AKT2: variants seen among roughly 807,000 people sequenced by gnomAD.
AKT2 encodes RAC-beta serine/threonine-protein kinase.
Under a neutral mutation model 58.6 loss-of-function variants are expected in AKT2, and 16 were observed. The ratio of observed to expected loss-of-function variants is 0.27; its 90% confidence interval spans 0.18 to 0.41. The LOEUF is 0.41. Ranked by LOEUF, AKT2 falls within the 10% of genes least tolerant of loss-of-function variation. The probability of loss-of-function intolerance (pLI) is 1.00; values close to 1 mark genes in which losing one functional copy is unlikely to be tolerated. For synonymous variants in AKT2, 253 were observed against 254.0 expected (o/e 1.00, Z 0.04); for missense variants, 438 against 661.0 (o/e 0.66, Z 3.70).
chr19:40,267,606 C>G (rs2145376835), intron 1 of AKT2, among the ~76,000 whole-genome samples: 1 of 152,318 alleles, frequency 6.6e-6, no homozygotes, highest in Non-Finnish European at 1.5e-5. Context: ...TGCAGTAGAC[C>G]AGCAAAGCGT....
At chr19:40,278,105 T>A (rs931729871) in intron 1 of AKT2, among the ~76,000 whole-genome samples, 1 of 152,184 alleles carries the variant, frequency 6.6e-6, no homozygotes, top group Non-Finnish European at 1.5e-5. Context: ...AGGCCTACTT[T>A]GTGCCAGCTC....
rs562361760 is a variant in AKT2, at chr19:40,238,457, T to C, written c.709-366A>G. ...ATCCCAAAGCAGGTGTGCCAACCAC[T>C]GCACAGAGAAGGCGCGAGGCAAGGA... On this transcript the variant is annotated intron_variant, in intron 8 of 13. Coordinates refer to ENST00000392038, the MANE Select transcript of AKT2 (RefSeq NM_001626.6). This position sits in a 1 kb window ranked among gnomAD's most constrained non-coding sequence, Gnocchi z 5.1. Among the ~76,000 whole-genome samples the C allele has an allele frequency of 6.6e-6, 1 of 152,214 alleles. No homozygotes were observed. The highest frequency in any genetic ancestry group is 1.9e-4 in the East Asian group (1 of 5,158).
At chr19:40,276,318 T>C (rs1467116698) in intron 1 of AKT2, among the ~76,000 whole-genome samples, 1 of 136,886 alleles carries the variant, frequency 7.3e-6, no homozygotes, top group African/African-American at 2.7e-5. Context: ...TCTCTGAACC[T>C]CAGCTTCCGC....
intron 2 of AKT2, 122 bp downstream of exon 2, chr19:40,265,100 G>A (rs1487414549): frequency 2.1e-6 from 3 of 1,428,768 alleles, no homozygotes; most frequent in Non-Finnish European, 1.9e-6. Context: ...CTGTGGGCCT[G>A]GGGCTGCGGA....
chr19:40,266,553 G>A (rs546378701), intron 1 of AKT2, among the ~76,000 whole-genome samples: 20 of 152,310 alleles, frequency 1.3e-4, no homozygotes, highest in Middle Eastern at 3.4e-3. Flanking sequence ...GCAATGATGC[G>A]AGGCTGGGAG....
chr19:40,255,554 GC>G (rs1290282404), intron 3 of AKT2, among the ~76,000 whole-genome samples: 1 of 152,200 alleles, frequency 6.6e-6, no homozygotes, highest in East Asian at 1.9e-4. Flanking sequence ...ATCCAACCCA[GC>G]CTGGGGGGTT....
chr19:40,244,649 T>C lies in AKT2; in HGVS notation c.288-1962A>G, dbSNP rs150626182. On this transcript the variant is annotated intron_variant, in intron 4 of 13. Transcript: ENST00000392038. ...CATATGACCAACAAGAAAAATAAAA[T>C]GTTCACTAAGAATGAGAAAATTCAG... 2.8e-3 allele frequency among the ~76,000 whole-genome samples: 434 copies of C among 152,292 alleles called. 3 individuals carry two copies. The highest frequency in any genetic ancestry group is 9.7e-3 in the African/African-American group (405 of 41,560).
At chr19:40,240,140 T>C (rs1434427779) in intron 6 of AKT2, 30 bp from the exon 7 acceptor site, 1 of 1,612,042 alleles carries the variant, frequency 6.2e-7, no homozygotes, top group Admixed American at 1.7e-5. Flanking sequence ...GAGGGGCTGG[T>C]GGGCAACACC....
Position 40,241,925 on chromosome 19 carries a change from C to A in AKT2, c.573+13G>T, listed in dbSNP as rs1260698998. 1.2e-6 allele frequency: 2 copies of A among 1,613,540 alleles called. No homozygotes were observed. The highest frequency in any genetic ancestry group is 1.7e-6 in the Non-Finnish European group (2 of 1,180,018). ...CCACAGAGGCTCGCGAGCGCAATTC[C>A]CGGGGCACGCACCTTGGCAATGATG... On this transcript the variant is annotated intron_variant, in intron 6 of 13. Coordinates refer to ENST00000392038, the MANE Select transcript of AKT2 (RefSeq NM_001626.6).
chr19:40,250,519 A>C (rs756353092), intron 4 of AKT2, among the ~76,000 whole-genome samples: 2 of 148,138 alleles, frequency 1.4e-5, no homozygotes, highest in Admixed American at 6.7e-5. Flanking sequence ...AAAAGAAAGA[A>C]AGATTTACGT....
chr19:40,265,292 C>T lies in AKT2; in HGVS notation c.-25G>A, dbSNP rs1160314478. 1.9e-6 allele frequency: 3 copies of T among 1,610,822 alleles called. No homozygotes were observed. Among genetic ancestry groups the T allele is most frequent in the Non-Finnish European group, 2.5e-6 (3 of 1,178,758 alleles). ...TGGTGGCAGCGTGGTACGCTGTCAC[C>T]TAGCTCGGGACAGCTCAGGGCAGCA... On this transcript the variant is annotated 5_prime_UTR_variant, in exon 2 of 14. Coordinates refer to ENST00000392038, the MANE Select transcript of AKT2 (RefSeq NM_001626.6).
At position 40,230,694 on chromosome 19, in the gene AKT2, CT is replaced by C. The variant is rs944293314; in HGVS notation, c.*3177del. The C allele has an allele frequency of 1.9e-5, 4 of 213,878 alleles. No homozygotes were observed. The highest frequency in any genetic ancestry group is 3.8e-5 in the Non-Finnish European group (4 of 106,430). The allele number at this position is 213,878 out of a possible 1,614,324, so 13.2% of individuals were successfully genotyped here. A position where few individuals can be genotyped will look rare whatever the true frequency, so the allele number is the denominator to read the frequency against. On this transcript the variant is annotated 3_prime_UTR_variant, in exon 14 of 14. Transcript: ENST00000392038. ...CTTTCTTATACTCCTGCTTTGCTGT[CT>C]TTTTTAATAGCATGTATCATGTTTT...
rs1044266716 is a variant in AKT2 at position 40,238,241 on chromosome 19, C to A, written c.709-150G>T. ...GCTAGAGGGACCAATCAAGGCAGAG[C>A]GCAGAAGCTCATAAGTGACACAGAG... On this transcript the variant is annotated intron_variant, in intron 8 of 13. Coordinates refer to ENST00000392038, the MANE Select transcript of AKT2 (RefSeq NM_001626.6). The surrounding 1 kb of genome is among the most constrained non-coding windows in gnomAD (Gnocchi z 5.1). 1.8e-6 allele frequency: 2 copies of A among 1,113,178 alleles called. No homozygotes were observed. Among genetic ancestry groups the A allele is most frequent in the South Asian group, 2.9e-5 (2 of 67,870 alleles). 69.0% of individuals were successfully genotyped at this position (1,113,178 alleles called of 1,614,324 possible).
intron 4 of AKT2, among the ~76,000 whole-genome samples, chr19:40,250,621 G>T (rs4277441): frequency 1.3e-5 from 2 of 151,880 alleles, no homozygotes; most frequent in African/African-American, 4.8e-5. Flanking sequence ...TGAGCCCAGG[G>T]GTTCAAGACC....
rs1973706018 is a variant in AKT2 at position 40,231,635 on chromosome 19, G to C, written c.*2237C>G. 1 of 233,286 alleles carries C rather than the reference G, an allele frequency of 4.3e-6. No individual in the cohort carries two copies. Among genetic ancestry groups the C allele is most frequent in the African/African-American group, 2.2e-5 (1 of 45,374 alleles). The allele number at this position is 233,286 out of a possible 1,614,324, so 14.5% of individuals were successfully genotyped here. ...CAGCAGGGCTCAGCAGGGCAGGCCAGGGCTCTGGTCCCTGGTCCCTTGCTG... is the reference window on the plus strand; with the variant it reads ...CAGCAGGGCTCAGCAGGGCAGGCCACGGCTCTGGTCCCTGGTCCCTTGCTG... On this transcript the variant is annotated 3_prime_UTR_variant, in exon 14 of 14. Transcript: ENST00000392038.
chr19:40,244,428 A>C (rs1974615963), intron 4 of AKT2: 1 of 152,126 alleles, frequency 6.6e-6, no homozygotes, highest in Non-Finnish European at 1.5e-5. Context: ...AAAAAAAAAC[A>C]AAATAATTTT....
In AKT2 at chr19:40,241,892, C is replaced by T. The variant is rs781093554; in HGVS notation, c.573+46G>A. 1.1e-5 allele frequency: 17 copies of T among 1,612,710 alleles called. No individual in the cohort carries two copies. The Admixed American group carries it at 1.8e-4, about 17-fold the overall frequency. ...CAGGCCTCAGGGTCAGGCTCCAGACCGCAGCCCCCACAGAGGCTCGCGAGC... is the reference window on the plus strand; with the variant it reads ...CAGGCCTCAGGGTCAGGCTCCAGACTGCAGCCCCCACAGAGGCTCGCGAGC... On this transcript the variant is annotated intron_variant, in intron 6 of 13. Coordinates refer to ENST00000392038, the MANE Select transcript of AKT2 (RefSeq NM_001626.6).
At position 40,242,338 on chromosome 19, in the gene AKT2, C is replaced by A; in HGVS notation, c.441+196G>T. 1 of 963,556 alleles carries A rather than the reference C, an allele frequency of 1.0e-6. No individual in the cohort carries two copies. The allele number at this position is 963,556 out of a possible 1,614,324, so 59.7% of individuals were successfully genotyped here. On this transcript the variant is annotated intron_variant, in intron 5 of 13. Transcript: ENST00000392038. This position sits in a 1 kb window ranked among gnomAD's most constrained non-coding sequence, Gnocchi z 4.3. ...CAGGACGAACCTGCAGTGGGTCCAC[C>A]CAAGGTTGCTCCCTCCCCTACGGGC...
chr19:40,257,921 T>C (rs957846040), intron 2 of AKT2, among the ~76,000 whole-genome samples: 1 of 152,132 alleles, frequency 6.6e-6, no homozygotes, highest in South Asian at 2.1e-4. Flanking sequence ...ACTCCATTTA[T>C]ATAAAATGCC....
Sources: gnomAD v4.1 joint callset for allele counts (sites outside exome capture counted in the v4.1 genomes callset) on GRCh38, gnomAD v4.1.1 for gene constraint, Gnocchi (gnomAD v3.1) non-coding constraint, MANE v1.5 for transcripts, NCBI Gene and HGNC (gene_info 2026-07-23, HGNC 2026-07-21) for gene names.